The following OSBPL10 variants were observed in gnomAD, a reference collection of about 807,000 sequenced individuals.
The protein encoded by OSBPL10 is oxysterol-binding protein-related protein 10.
In OSBPL10, 49 loss-of-function variants were observed where a neutral mutation model predicts 81.7. That is an observed-to-expected ratio of 0.60 (90% confidence interval 0.48 to 0.76). The LOEUF is 0.76. Among genes scored for constraint, OSBPL10 ranks in the 30% least tolerant of loss-of-function variants. OSBPL10 has a pLI of 0.00. For synonymous variants in OSBPL10, 419 were observed against 383.6 expected (o/e 1.09, Z -1.08); for missense variants, 923 against 987.8 (o/e 0.93, Z 0.88).
At chr3:32,002,210 G>T (rs1699156183) in intron 2 of OSBPL10, among the ~76,000 whole-genome samples, 1 of 151,974 alleles carries the variant, frequency 6.6e-6, no homozygotes, top group Admixed American at 6.6e-5. Flanking sequence ...CTTTTATCCT[G>T]CATTTTAGGT....
At position 31,678,782 on chromosome 3, in the gene OSBPL10, C is replaced by CTGTGTGTGTGTGTGTGTG. The variant is rs67616509; in HGVS notation, c.1726+4834_1726+4851dup. Among the ~76,000 whole-genome samples the CTGTGTGTGTGTGTGTGTG allele has an allele frequency of 4.4e-3, 592 of 135,616 alleles. 3 individuals carry two copies. The highest frequency in any genetic ancestry group is 5.8e-3 in the East Asian group (25 of 4,342). 89.0% of individuals were successfully genotyped at this position (135,616 alleles called of 152,430 possible). A position where few individuals can be genotyped will look rare whatever the true frequency, so the allele number is the denominator to read the frequency against. ...TACTCTGACTAATCACAGATTCAAA[C>CTGTGTGTGTGTGTGTGTG]TGTGTGTGTGTGTGTGTGTGTGTGT... On this transcript the variant is annotated intron_variant, in intron 8 of 11. Coordinates refer to ENST00000396556, the MANE Select transcript of OSBPL10 (RefSeq NM_017784.5).
At chr3:31,786,958 T>G (rs553785972) in intron 4 of OSBPL10, among the ~76,000 whole-genome samples, 1 of 152,248 alleles carries the variant, frequency 6.6e-6, no homozygotes, top group East Asian at 1.9e-4. Flanking sequence ...TTCAGGCAAA[T>G]GATTTAAGAA....
intron 11 of OSBPL10, chr3:31,663,227 A>G: frequency 1.0e-6 from 1 of 984,726 alleles, no homozygotes; most frequent in Non-Finnish European, 1.2e-6. Flanking sequence ...AAATTTTTTT[A>G]AATCTTTGAC....
intron 5 of OSBPL10, among the ~76,000 whole-genome samples, chr3:31,735,925 C>T (rs1213177675): frequency 6.6e-6 from 1 of 152,230 alleles, no homozygotes; most frequent in African/African-American, 2.4e-5. Context: ...ACTGCCCTTG[C>T]TCACAGCAGT....
Position 31,668,782 on chromosome 3 carries a change from A to G in OSBPL10, c.1956T>C (p.Val652=), listed in dbSNP as rs200031798. 4.6e-5 allele frequency: 75 copies of G among 1,613,526 alleles called. No homozygotes were observed. Among genetic ancestry groups the G allele is most frequent in the Non-Finnish European group, 6.0e-5 (71 of 1,179,668 alleles). ...EVKHNPTNTI[V]CKAHGEWNGT... is the part of the protein sequence containing the mutation. ...CATTCCATTCCCCATGGGCTTTACA[A>G]ACAATGGTGTTGGTTGGGTTGTGCT... Residue 652 remains valine (V), a synonymous_variant, in exon 10 of 12, where the codon GTT becomes GTC. Coordinates refer to ENST00000396556, the MANE Select transcript of OSBPL10 (RefSeq NM_017784.5).
intron 1 of OSBPL10, among the ~76,000 whole-genome samples, chr3:31,924,018 A>G (rs990013965): frequency 1.4e-4 from 22 of 152,068 alleles, no homozygotes; most frequent in African/African-American, 5.1e-4. Flanking sequence ...GGAGTTCAAG[A>G]CCAGCCTGGC....
At chr3:31,726,371 C>A (rs1464229965) in intron 6 of OSBPL10, among the ~76,000 whole-genome samples, 1 of 151,884 alleles carries the variant, frequency 6.6e-6, no homozygotes, top group Non-Finnish European at 1.5e-5. Context: ...GGCTGGAGTG[C>A]AGTGGCACGA....
chr3:31,815,034 C>T (rs959033028), intron 4 of OSBPL10, among the ~76,000 whole-genome samples: 2 of 151,196 alleles, frequency 1.3e-5, no homozygotes, highest in African/African-American at 4.8e-5. Flanking sequence ...AACTTCTGCT[C>T]TCTATCCCCG....
At chr3:31,803,951 C>T (rs1699460419) in intron 4 of OSBPL10, among the ~76,000 whole-genome samples, 1 of 152,150 alleles carries the variant, frequency 6.6e-6, no homozygotes, top group Non-Finnish European at 1.5e-5. Context: ...CACTAGTTTT[C>T]TCCTCTGTAA....
At chr3:31,990,698 G>A (rs761940384) in intron 2 of OSBPL10, 6 of 1,614,110 alleles carry the variant, frequency 3.7e-6, no homozygotes, top group East Asian at 4.5e-5. Flanking sequence ...CCTTACAAAT[G>A]TGAAGAATGT....
At chr3:31,727,526 A>T (rs1696846161) in intron 6 of OSBPL10, among the ~76,000 whole-genome samples, 1 of 152,206 alleles carries the variant, frequency 6.6e-6, no homozygotes, top group Non-Finnish European at 1.5e-5. Context: ...TTTAAACTTG[A>T]TCAATGATAT....
chr3:31,936,470 T>A (rs892753450), intron 1 of OSBPL10, among the ~76,000 whole-genome samples: 2 of 152,228 alleles, frequency 1.3e-5, no homozygotes, highest in Non-Finnish European at 2.9e-5. Context: ...TTCATTCTGA[T>A]TCTAAAGCTT....
chr3:31,754,551 C>T (rs1697832674), intron 4 of OSBPL10, among the ~76,000 whole-genome samples: 1 of 152,098 alleles, frequency 6.6e-6, no homozygotes, highest in Non-Finnish European at 1.5e-5. Context: ...CCAAAGGAAA[C>T]AAACAAACAA....
At chr3:31,931,406 C>G (rs1205565313) in intron 1 of OSBPL10, among the ~76,000 whole-genome samples, 2 of 152,132 alleles carry the variant, frequency 1.3e-5, no homozygotes, top group Non-Finnish European at 2.9e-5. Flanking sequence ...AGACAATTAT[C>G]AAGGGTCCCC....
intron 6 of OSBPL10, among the ~76,000 whole-genome samples, chr3:31,724,324 G>A (rs1390907053): frequency 6.6e-6 from 1 of 152,196 alleles, no homozygotes; most frequent in East Asian, 1.9e-4. Flanking sequence ...AATCCAAGGT[G>A]GCTACCTCCC....
intron 4 of OSBPL10, among the ~76,000 whole-genome samples, chr3:31,802,736 G>T (rs747556799): frequency 5.3e-5 from 8 of 151,912 alleles, no homozygotes; most frequent in Non-Finnish European, 1.2e-4. Context: ...CCAAGTTCCT[G>T]CAAACGGATC....
chr3:31,730,300 A>G (rs3792535), intron 6 of OSBPL10, among the ~76,000 whole-genome samples: 85,013 of 150,852 alleles, frequency 0.56, 25,777 homozygotes, highest in African/African-American at 0.79. Flanking sequence ...GAGATCGATC[A>G]CGCCACTGTA....
At chr3:32,020,157 T>C (rs761659945) in intron 2 of OSBPL10, among the ~76,000 whole-genome samples, 4 of 152,264 alleles carry the variant, frequency 2.6e-5, no homozygotes, top group Admixed American at 6.5e-5. Flanking sequence ...TGTTATTTTC[T>C]ATAGCTTTGT....
At chr3:31,925,266 G>T (rs1011875003) in intron 1 of OSBPL10, among the ~76,000 whole-genome samples, 1 of 151,804 alleles carries the variant, frequency 6.6e-6, no homozygotes, top group African/African-American at 2.4e-5. Context: ...GGCTGTCCAG[G>T]ACAAGTTCCA....
Sources: allele counts gnomAD v4.1 joint callset (sites outside exome capture counted in the v4.1 genomes callset), GRCh38; gene constraint gnomAD v4.1.1; transcripts MANE v1.5; gene names NCBI Gene and HGNC (gene_info 2026-07-23, HGNC 2026-07-21).